The following KIF16B variants were observed in gnomAD, a reference collection of about 807,000 sequenced individuals.
The protein encoded by KIF16B is kinesin-like protein KIF16B.
Under a neutral mutation model 156.3 loss-of-function variants are expected in KIF16B, and 98 were observed. That is an observed-to-expected ratio of 0.63 (90% CI 0.53 to 0.74). The LOEUF (loss-of-function observed/expected upper bound fraction) is 0.74. KIF16B is among the 30% of genes least tolerant of loss of function. KIF16B has a pLI of 0.00. For missense variants in KIF16B, 1,421 were observed against 1,606.5 expected, an observed-to-expected ratio of 0.88 and a Z score of 1.97; for synonymous variants, 564 against 583.7, an observed-to-expected ratio of 0.97 and a Z score of 0.49.
At chr20:16,430,528 G>A (rs2066469284) in intron 12 of KIF16B, among the ~76,000 whole-genome samples, 1 of 151,996 alleles carries the variant, frequency 6.6e-6, no homozygotes. Context: ...ACCCCACCAC[G>A]TCTTTTGGCC....
chr20:16,279,681 T>C (rs575933337), intron 25 of KIF16B, among the ~76,000 whole-genome samples: 36 of 152,240 alleles, frequency 2.4e-4, no homozygotes, highest in African/African-American at 8.7e-4. Context: ...ACATTTCAGA[T>C]AGGTCAGAGT....
At chr20:16,282,637 G>C (rs1285766905) in intron 25 of KIF16B, among the ~76,000 whole-genome samples, 1 of 152,038 alleles carries the variant, frequency 6.6e-6, no homozygotes, top group Non-Finnish European at 1.5e-5. Flanking sequence ...TAGCAGCTGG[G>C]AGGCAGGGCT....
At chr20:16,451,775 T>A (rs1168804063) in intron 12 of KIF16B, among the ~76,000 whole-genome samples, 4 of 113,944 alleles carry the variant, frequency 3.5e-5, no homozygotes, top group Non-Finnish European at 8.1e-5. Context: ...GGGACCAAAC[T>A]TTTTTTTTAT....
At chr20:16,557,078 C>T (rs1009538794) in intron 1 of KIF16B, among the ~76,000 whole-genome samples, 2 of 149,410 alleles carry the variant, frequency 1.3e-5, no homozygotes, top group African/African-American at 4.9e-5. Flanking sequence ...TGTAAAATAT[C>T]TCATTAATAC....
chr20:16,351,557 C>T (rs887219069), intron 23 of KIF16B, among the ~76,000 whole-genome samples: 4 of 152,236 alleles, frequency 2.6e-5, no homozygotes, highest in African/African-American at 9.6e-5. Context: ...TTTGCAGCTT[C>T]ATTCTGCTGA....
chr20:16,418,983 A>T (rs556145246), intron 15 of KIF16B, among the ~76,000 whole-genome samples: 53 of 152,046 alleles, frequency 3.5e-4, no homozygotes, highest in Non-Finnish European at 6.5e-4. Context: ...AAACCTTGTC[A>T]TTCTTCAGTT....
chr20:16,336,145 T>A, intron 23 of KIF16B, 130 bp from the exon 24 acceptor site: 3 of 619,118 alleles, frequency 4.8e-6, no homozygotes, highest in Non-Finnish European at 5.6e-6. Context: ...CTGAAAACAT[T>A]AATCTAGCTG....
chr20:16,558,661 G>C (rs976681232), intron 1 of KIF16B, among the ~76,000 whole-genome samples: 8 of 152,346 alleles, frequency 5.3e-5, no homozygotes, highest in African/African-American at 1.9e-4. Context: ...CCAACACTTT[G>C]GGAGGCCAAG....
At chr20:16,501,604 TAA>T (rs1180168019) in intron 10 of KIF16B, among the ~76,000 whole-genome samples, 1 of 152,132 alleles carries the variant, frequency 6.6e-6, no homozygotes, top group Non-Finnish European at 1.5e-5. Context: ...AATGCCCATC[TAA>T]AGTACAATGG....
At position 16,360,910 on chromosome 20, in the gene KIF16B, G is replaced by A. The variant is rs370267217; in HGVS notation, c.3499-4458C>T. Among the ~76,000 whole-genome samples, 15 of 152,250 alleles carry A rather than the reference G, an allele frequency of 9.9e-5. No homozygotes were observed. In the East Asian group the frequency reaches 1.4e-3, roughly 14 times the overall value. ...ACTTACATCCACTCAGATCTCTGCG[G>A]GCTCTCAGAGAACATGAAACGGTCC... On this transcript the variant is annotated intron_variant, in intron 22 of 25. Transcript: ENST00000354981.
intron 17 of KIF16B, among the ~76,000 whole-genome samples, chr20:16,392,058 C>G (rs1222222626): frequency 6.6e-6 from 1 of 152,152 alleles, no homozygotes; most frequent in Non-Finnish European, 1.5e-5. Context: ...ACCCTGCATG[C>G]TCTCATGTTT....
rs763810903 is a variant in KIF16B, at chr20:16,573,192, C to T, written c.47+37G>A. The T allele has an allele frequency of 4.6e-6, 7 of 1,536,734 alleles. No individual in the cohort carries two copies. The Admixed American group carries it at 1.1e-4, about 25-fold the overall frequency. ...GAAACAGGCTTCCTCTGGGTGGGGG[C>T]GCGACGAGGGGGCGGGGCGCGGGCG... On this transcript the variant is annotated intron_variant, in intron 1 of 25. Coordinates refer to ENST00000354981, the MANE Select transcript of KIF16B (RefSeq NM_024704.5).
chr20:16,349,281 C>T (rs2064290649), intron 23 of KIF16B, among the ~76,000 whole-genome samples: 1 of 152,216 alleles, frequency 6.6e-6, no homozygotes, highest in South Asian at 2.1e-4. Context: ...CATCAGGGTG[C>T]CACCTACCCC....
chr20:16,449,101 AT>A (rs2067011754), intron 12 of KIF16B, among the ~76,000 whole-genome samples: 1 of 152,156 alleles, frequency 6.6e-6, no homozygotes, highest in Admixed American at 6.5e-5. Flanking sequence ...GAAAGAAAAA[AT>A]GGAAATTGTC....
chr20:16,573,083 GC>G (rs1374955619), intron 1 of KIF16B, 145 bp downstream of exon 1: 6 of 705,782 alleles, frequency 8.5e-6, no homozygotes, highest in Non-Finnish European at 1.4e-5. Flanking sequence ...AGTCCTCCAG[GC>G]CCCCAGAGGC....
At chr20:16,344,732 C>T (rs1016481394) in intron 23 of KIF16B, among the ~76,000 whole-genome samples, 12 of 152,168 alleles carry the variant, frequency 7.9e-5, no homozygotes, top group Non-Finnish European at 1.6e-4. Context: ...GCAGTCACTC[C>T]TACTTGGAAA....
chr20:16,482,072 T>A (rs1312463180), intron 12 of KIF16B, among the ~76,000 whole-genome samples: 1 of 152,144 alleles, frequency 6.6e-6, no homozygotes, highest in Non-Finnish European at 1.5e-5. Context: ...AAGTACGAGA[T>A]AAGATGTGAG....
At chr20:16,567,321 C>T (rs1432143855) in intron 1 of KIF16B, among the ~76,000 whole-genome samples, 1 of 152,186 alleles carries the variant, frequency 6.6e-6, no homozygotes, top group Non-Finnish European at 1.5e-5. Context: ...GGCAATATCC[C>T]TTCAGGGCTC....
chr20:16,501,844 T>C (rs975292747), intron 10 of KIF16B, among the ~76,000 whole-genome samples: 13 of 152,062 alleles, frequency 8.5e-5, no homozygotes, highest in Non-Finnish European at 1.9e-4. Context: ...GTGGCTACCC[T>C]GGAGAGAAAG....
Sources: allele counts gnomAD v4.1 joint callset (sites outside exome capture counted in the v4.1 genomes callset), GRCh38; gene constraint gnomAD v4.1.1; transcripts MANE v1.5; gene names NCBI Gene and HGNC (gene_info 2026-07-23, HGNC 2026-07-21).